Variants in CCSER1 observed in about 807,000 individuals in gnomAD.
CCSER1 encodes coiled-coil serine rich protein 1.
In CCSER1, 41 loss-of-function variants were observed where a neutral mutation model predicts 82.0. The ratio of observed to expected loss-of-function variants is 0.50; its 90% CI spans 0.39 to 0.65. The LOEUF is 0.65. Among genes scored for constraint, CCSER1 ranks in the 30% least tolerant of loss-of-function variants. The probability of loss-of-function intolerance (pLI) is 0.00; values close to 1 mark genes in which losing one functional copy is unlikely to be tolerated. For synonymous variants in CCSER1, 414 were observed against 383.9 expected (o/e 1.08, Z -0.92); for missense variants, 1,119 against 1,064.2 (o/e 1.05, Z -0.72).
chr4:90,485,524 C>A (rs1016192734), intron 5 of CCSER1, among the ~76,000 whole-genome samples: 4 of 150,988 alleles, frequency 2.6e-5, no homozygotes, highest in Non-Finnish European at 3.0e-5. Flanking sequence ...CTCCACCCCC[C>A]CCCCCCAATT....
chr4:90,602,070 C>G (rs1218931131), intron 5 of CCSER1, among the ~76,000 whole-genome samples: 1 of 152,044 alleles, frequency 6.6e-6, no homozygotes, highest in South Asian at 2.1e-4. Context: ...TTGTTCTAGT[C>G]TTCTACATTC....
intron 9 of CCSER1, among the ~76,000 whole-genome samples, chr4:91,026,485 A>G (rs957477972): frequency 3.3e-5 from 5 of 152,086 alleles, no homozygotes; most frequent in African/African-American, 1.2e-4. Context: ...ATGAAACTCT[A>G]TTCTCTTGTT....
At chr4:91,028,965 G>C (rs1217367322) in intron 9 of CCSER1, among the ~76,000 whole-genome samples, 2 of 151,924 alleles carry the variant, frequency 1.3e-5, no homozygotes, top group Non-Finnish European at 2.9e-5. Context: ...AAGTTACTTT[G>C]AACTAAAATC....
At chr4:90,703,651 G>T (rs1409380215) in intron 6 of CCSER1, among the ~76,000 whole-genome samples, 9 of 152,126 alleles carry the variant, frequency 5.9e-5, no homozygotes, top group African/African-American at 2.2e-4. Flanking sequence ...ATGAATCTGG[G>T]TGCTCCTGTA....
At chr4:91,424,975 TAC>T (rs1017604785) in intron 10 of CCSER1, among the ~76,000 whole-genome samples, 1 of 152,126 alleles carries the variant, frequency 6.6e-6, no homozygotes, top group African/African-American at 2.4e-5. Flanking sequence ...ATGACTTTTA[TAC>T]ACATTAATTT....
At chr4:90,815,526 A>ATGTGTGTGTGTG (rs113631267) in intron 7 of CCSER1, among the ~76,000 whole-genome samples, 7,584 of 150,660 alleles carry the variant, frequency 0.05, 215 homozygotes, top group East Asian at 0.13. Context: ...GTGTGTGTGG[A>ATGTGTGTGTGTG]TGTGTGTGTG....
intron 10 of CCSER1, among the ~76,000 whole-genome samples, chr4:91,481,780 T>A (rs1178365259): frequency 2.0e-5 from 3 of 152,144 alleles, no homozygotes; most frequent in Non-Finnish European, 4.4e-5. Flanking sequence ...GTGGAGGATC[T>A]AATTAAACTA....
chr4:90,388,213 A>G (rs537954836), intron 3 of CCSER1, among the ~76,000 whole-genome samples: 1 of 152,206 alleles, frequency 6.6e-6, no homozygotes, highest in South Asian at 2.1e-4. Context: ...AATCAGGTTT[A>G]TCAATCTCAT....
At chr4:90,408,822 T>A (rs981620162) in intron 4 of CCSER1, among the ~76,000 whole-genome samples, 3 of 151,968 alleles carry the variant, frequency 2.0e-5, no homozygotes, top group African/African-American at 7.3e-5. Flanking sequence ...CTTCAGAAGA[T>A]CAAACTACTC....
At chr4:90,196,612 G>T (rs1218062355) in intron 1 of CCSER1, among the ~76,000 whole-genome samples, 2 of 148,906 alleles carry the variant, frequency 1.3e-5, no homozygotes, top group African/African-American at 5.0e-5. Flanking sequence ...TTTCCCCATA[G>T]ATACTGATTT....
At chr4:90,712,149 C>A (rs7660162) in intron 6 of CCSER1, among the ~76,000 whole-genome samples, 34,417 of 151,738 alleles carry the variant, frequency 0.23, 4,923 homozygotes, top group African/African-American at 0.4. Context: ...TGCTTCAGTG[C>A]AGCTCTGATT....
chr4:91,134,911 T>A (rs1296637567), intron 10 of CCSER1, among the ~76,000 whole-genome samples: 1 of 151,828 alleles, frequency 6.6e-6, no homozygotes, highest in African/African-American at 2.4e-5. Context: ...AATACAAAAA[T>A]TAGCTGGATG....
chr4:91,449,067 T>C (rs926934238), intron 10 of CCSER1, among the ~76,000 whole-genome samples: 1 of 152,036 alleles, frequency 6.6e-6, no homozygotes, highest in Admixed American at 6.6e-5. Context: ...GTGGGCCATG[T>C]AGAAACCTGT....
chr4:91,029,143 A>G (rs1740748625), intron 9 of CCSER1, among the ~76,000 whole-genome samples: 1 of 152,032 alleles, frequency 6.6e-6, no homozygotes, highest in South Asian at 2.1e-4. Flanking sequence ...ATGACTGTGA[A>G]TCTGCTAGTC....
At chr4:90,803,850 TC>T (rs1294725373) in intron 7 of CCSER1, among the ~76,000 whole-genome samples, 1 of 152,218 alleles carries the variant, frequency 6.6e-6, no homozygotes, top group Non-Finnish European at 1.5e-5. Flanking sequence ...TTTTCCTATT[TC>T]TCCACATCTT....
intron 9 of CCSER1, among the ~76,000 whole-genome samples, chr4:90,980,158 C>T (rs1735981543): frequency 6.6e-6 from 1 of 151,690 alleles, no homozygotes; most frequent in Admixed American, 6.6e-5. Flanking sequence ...AGGGCAAGAC[C>T]CTTAGGAGCT....
intron 10 of CCSER1, among the ~76,000 whole-genome samples, chr4:91,432,002 A>G (rs1021106776): frequency 5.3e-5 from 8 of 151,650 alleles, no homozygotes; most frequent in Admixed American, 5.3e-4. Flanking sequence ...TTGTCGAGGG[A>G]GGGACCTGGT....
At chr4:90,637,081 C>T (rs1725558676) in intron 6 of CCSER1, among the ~76,000 whole-genome samples, 1 of 152,018 alleles carries the variant, frequency 6.6e-6, no homozygotes, top group South Asian at 2.1e-4. Context: ...TTCAAAGTTT[C>T]TATGGTTAGG....
At chr4:91,378,003 T>G (rs1490412716) in intron 10 of CCSER1, among the ~76,000 whole-genome samples, 1 of 152,126 alleles carries the variant, frequency 6.6e-6, no homozygotes, top group Non-Finnish European at 1.5e-5. Context: ...TTATTAAATA[T>G]AGAATTCTTT....
Sources: allele counts gnomAD v4.1 joint callset (sites outside exome capture counted in the v4.1 genomes callset), GRCh38; gene constraint gnomAD v4.1.1; transcripts MANE v1.5; gene names NCBI Gene and HGNC (gene_info 2026-07-23, HGNC 2026-07-21).